The following CTDSPL variants were observed in gnomAD, a reference collection of about 807,000 sequenced individuals.
The protein encoded by CTDSPL is CTD small phosphatase like, also known as CTD small phosphatase-like protein.
CTDSPL carries 8 observed loss-of-function variants against 30.5 expected under a neutral mutation model. The ratio of observed to expected loss-of-function variants is 0.26; its 90% CI spans 0.15 to 0.47. The LOEUF (loss-of-function observed/expected upper bound fraction) is 0.47. Among genes scored for constraint, CTDSPL ranks in the 20% least tolerant of loss-of-function variants. The pLI is 0.99. For missense variants in CTDSPL, 248 were observed against 366.1 expected, an observed-to-expected ratio of 0.68 and a Z score of 2.63; for synonymous variants, 110 against 137.9, an observed-to-expected ratio of 0.80 and a Z score of 1.42.
In CTDSPL at chr3:37,893,223, T is replaced by C. The variant is rs115978421; in HGVS notation, c.79+30945T>C. Among the ~76,000 whole-genome samples the C allele has an allele frequency of 5.6e-3, 849 of 152,298 alleles. 5 individuals carry two copies. Among genetic ancestry groups the C allele is most frequent in the African/African-American group, 0.018 (739 of 41,556 alleles). On this transcript the variant is annotated intron_variant, in intron 1 of 7. Coordinates refer to ENST00000273179, the MANE Select transcript of CTDSPL (RefSeq NM_001008392.2). Reference sequence around the variant, plus strand: ...TCAGAGGCTAGTTAATAACTGTGTTTGGCAATCAGCTTGGGATGTTAACAG... The same window carrying C: ...TCAGAGGCTAGTTAATAACTGTGTTCGGCAATCAGCTTGGGATGTTAACAG...
chr3:37,981,749 A>T lies in CTDSPL; in HGVS notation c.*882A>T. ...TTTGTTGTTATTGTTTGGGTAGAGCAGTTACAAGAAACCCTAAAACCCTTG... is the reference window on the plus strand; with the variant it reads ...TTTGTTGTTATTGTTTGGGTAGAGCTGTTACAAGAAACCCTAAAACCCTTG... On this transcript the variant is annotated 3_prime_UTR_variant, in exon 8 of 8. Coordinates refer to ENST00000273179, the MANE Select transcript of CTDSPL (RefSeq NM_001008392.2). 2.2e-6 allele frequency: 1 copy of T among 447,600 alleles called. No individual in the cohort carries two copies. The highest frequency in any genetic ancestry group is 4.5e-6 in the Non-Finnish European group (1 of 221,950). The allele number at this position is 447,600 out of a possible 1,614,324, so 27.7% of individuals were successfully genotyped here.
intron 1 of CTDSPL, among the ~76,000 whole-genome samples, chr3:37,864,039 T>C (rs1697978378): frequency 6.6e-6 from 1 of 152,166 alleles, no homozygotes; most frequent in Admixed American, 6.5e-5. Context: ...TGTTAGTTCT[T>C]GGAGCCCTGG....
At chr3:37,923,519 A>G (rs539375860) in intron 1 of CTDSPL, among the ~76,000 whole-genome samples, 7 of 152,196 alleles carry the variant, frequency 4.6e-5, no homozygotes, top group South Asian at 2.1e-4. Context: ...GGTTTATGCA[A>G]TTTTATCAAG....
intron 1 of CTDSPL, among the ~76,000 whole-genome samples, chr3:37,937,958 C>A (rs1268007853): frequency 1.3e-5 from 2 of 150,446 alleles, no homozygotes; most frequent in African/African-American, 2.4e-5. Context: ...CCTGTGCCAG[C>A]ACATTTATAT....
chr3:37,984,343 G>T lies in CTDSPL; in HGVS notation c.*3476G>T, dbSNP rs1393942447. 4 of 455,978 alleles carry T rather than the reference G, an allele frequency of 8.8e-6. No homozygotes were observed. Among genetic ancestry groups the T allele is most frequent in the Non-Finnish European group, 1.8e-5 (4 of 226,556 alleles). The allele number at this position is 455,978 out of a possible 1,614,324, so 28.2% of individuals were successfully genotyped here. A position where few individuals can be genotyped will look rare whatever the true frequency, so the allele number is the denominator to read the frequency against. On this transcript the variant is annotated 3_prime_UTR_variant, in exon 8 of 8. Coordinates refer to ENST00000273179, the MANE Select transcript of CTDSPL (RefSeq NM_001008392.2). ...GGATTTCTGCTGGACATTTGAATGT[G>T]ATAAACAATCCAGCATTACTTAGGA...
chr3:37,879,451 G>C (rs1385179873), intron 1 of CTDSPL, among the ~76,000 whole-genome samples: 1 of 152,232 alleles, frequency 6.6e-6, no homozygotes, highest in Non-Finnish European at 1.5e-5. Flanking sequence ...CCCAAAACAT[G>C]AGTTTCACAG....
intron 1 of CTDSPL, among the ~76,000 whole-genome samples, chr3:37,916,812 C>G (rs7624710): frequency 0.026 from 3,993 of 152,204 alleles, 64 homozygotes; most frequent in Middle Eastern, 0.044. Flanking sequence ...TCCCATAATC[C>G]CCTTGTTTGT....
At chr3:37,945,150 C>T (rs1366633657) in intron 1 of CTDSPL, among the ~76,000 whole-genome samples, 1 of 149,906 alleles carries the variant, frequency 6.7e-6, no homozygotes, top group Non-Finnish European at 1.5e-5. Flanking sequence ...TTTTTTCCCC[C>T]TGACTAAATT....
At chr3:37,864,994 G>T (rs1697993278) in intron 1 of CTDSPL, among the ~76,000 whole-genome samples, 1 of 152,218 alleles carries the variant, frequency 6.6e-6, no homozygotes, top group African/African-American at 2.4e-5. Flanking sequence ...ACTGTGTCAT[G>T]ATTCCATAAA....
chr3:37,933,345 C>T (rs1698878200), intron 1 of CTDSPL, among the ~76,000 whole-genome samples: 1 of 152,146 alleles, frequency 6.6e-6, no homozygotes, highest in Non-Finnish European at 1.5e-5. Context: ...TTCCCGATTT[C>T]TCTCCCAGGG....
chr3:37,973,487 C>G (rs1477329168), intron 6 of CTDSPL, among the ~76,000 whole-genome samples: 2 of 152,250 alleles, frequency 1.3e-5, no homozygotes, highest in East Asian at 3.8e-4. Flanking sequence ...GCTGCTACTC[C>G]AGCCTTGCTG....
At chr3:37,961,867 A>C (rs908656838) in intron 3 of CTDSPL, among the ~76,000 whole-genome samples, 1 of 152,182 alleles carries the variant, frequency 6.6e-6, no homozygotes, top group African/African-American at 2.4e-5. Context: ...GGGCACTCCA[A>C]GAGGAAATAA....
intron 5 of CTDSPL, chr3:37,968,152 C>T: frequency 2.2e-6 from 1 of 450,684 alleles, no homozygotes; most frequent in Non-Finnish European, 4.1e-6. Context: ...TCCGTATCCC[C>T]CACTGGCCTA....
At chr3:37,953,577 T>G (rs1265541278) in intron 2 of CTDSPL, among the ~76,000 whole-genome samples, 10 of 152,016 alleles carry the variant, frequency 6.6e-5, no homozygotes, top group Non-Finnish European at 1.5e-5. Flanking sequence ...AATAAAGAAA[T>G]GGGCAAAATA....
chr3:37,922,339 A>G (rs1466519372), intron 1 of CTDSPL, among the ~76,000 whole-genome samples: 1 of 152,162 alleles, frequency 6.6e-6, no homozygotes, highest in Non-Finnish European at 1.5e-5. Context: ...GCTGTCCTCA[A>G]ACAGAAGGCT....
intron 2 of CTDSPL, among the ~76,000 whole-genome samples, chr3:37,956,429 T>C (rs962577331): frequency 2.0e-5 from 3 of 152,236 alleles, no homozygotes; most frequent in African/African-American, 7.2e-5. Flanking sequence ...TAGCATTTCT[T>C]AACAATGCTA....
Position 37,862,416 on chromosome 3 carries a change from G to T in CTDSPL, c.79+138G>T, listed in dbSNP as rs1183902338. On this transcript the variant is annotated intron_variant, in intron 1 of 7. Coordinates refer to ENST00000273179, the MANE Select transcript of CTDSPL (RefSeq NM_001008392.2). This position sits in a 1 kb window ranked among gnomAD's most constrained non-coding sequence, Gnocchi z 4.3. ...GGGTGCGTGGGTGTGGGGTGCGCCCGGAGGAGAGCGAGGCTGCCAGAGTGC... is the reference window on the plus strand; with the variant it reads ...GGGTGCGTGGGTGTGGGGTGCGCCCTGAGGAGAGCGAGGCTGCCAGAGTGC... The T allele has an allele frequency of 5.0e-6, 3 of 602,264 alleles. No homozygotes were observed. In the East Asian group the frequency reaches 1.3e-4, roughly 26 times the overall value. The allele number at this position is 602,264 out of a possible 1,614,324, so 37.3% of individuals were successfully genotyped here. A position where few individuals can be genotyped will look rare whatever the true frequency, so the allele number is the denominator to read the frequency against.
chr3:37,965,916 G>A (rs972145685), intron 4 of CTDSPL, among the ~76,000 whole-genome samples: 3 of 152,142 alleles, frequency 2.0e-5, no homozygotes, highest in Non-Finnish European at 4.4e-5. Context: ...TTCCATAGTT[G>A]GTCCAGGGGA....
chr3:37,963,015 T>A (rs1484068374), intron 3 of CTDSPL, among the ~76,000 whole-genome samples: 2 of 152,326 alleles, frequency 1.3e-5, no homozygotes, highest in East Asian at 1.9e-4. Context: ...TTTAATTTTT[T>A]AAAAATAACC....
Sources: gnomAD v4.1 joint callset for allele counts (sites outside exome capture counted in the v4.1 genomes callset) on GRCh38, gnomAD v4.1.1 for gene constraint, Gnocchi (gnomAD v3.1) non-coding constraint, MANE v1.5 for transcripts, NCBI Gene and HGNC (gene_info 2026-07-23, HGNC 2026-07-21) for gene names.